LOC128125822: variants seen among roughly 807,000 people sequenced by gnomAD.
the LOC128125822 span, chr6:63,579,318 C>A: frequency 6.2e-7 from 1 of 1,604,400 alleles, no homozygotes; most frequent in Non-Finnish European, 8.5e-7. Context: ...AGATGCAGTA[C>A]AATTCATAAG....
chr6:63,580,016 G>A, the LOC128125822 span: 4 of 1,428,882 alleles, frequency 2.8e-6, no homozygotes, highest in Non-Finnish European at 3.9e-6. Flanking sequence ...TACTGTAGGG[G>A]GCTTTTGCCT....
the LOC128125822 span, chr6:63,577,060 A>C: frequency 8.4e-7 from 1 of 1,189,562 alleles, no homozygotes; most frequent in African/African-American, 1.6e-5. Context: ...CAAAATAAAA[A>C]CTACTTTGGA....
the LOC128125822 span, chr6:63,579,066 T>C: frequency 6.5e-7 from 1 of 1,530,920 alleles, no homozygotes; most frequent in Non-Finnish European, 8.7e-7. Flanking sequence ...GGTAAAAATC[T>C]ATTGATAATG....
At chr6:63,578,470 A>G in the LOC128125822 span, 1 of 1,610,420 alleles carries the variant, frequency 6.2e-7, no homozygotes, top group Non-Finnish European at 8.5e-7. Flanking sequence ...CACAATAGTA[A>G]GAGTATGTGA....
the LOC128125822 span, among the ~76,000 whole-genome samples, chr6:63,577,389 G>A: frequency 1.4e-4 from 21 of 152,118 alleles, no homozygotes; most frequent in African/African-American, 4.6e-4. Flanking sequence ...TACAAATTCT[G>A]TTCCTTCCTA....
chr6:63,580,002 A>AT, the LOC128125822 span: 1 of 1,317,926 alleles, frequency 7.6e-7, no homozygotes, highest in Non-Finnish European at 1.1e-6. Context: ...AAGACACTAA[A>AT]TATTACTGTA....
the LOC128125822 span, chr6:63,576,518 A>G: frequency 9.6e-6 from 4 of 414,798 alleles, no homozygotes; most frequent in Non-Finnish European, 1.7e-5. Context: ...CACGACCTCT[A>G]TGCAGACAAG....
chr6:63,575,576 C>G, the LOC128125822 span, among the ~76,000 whole-genome samples: 1 of 152,124 alleles, frequency 6.6e-6, no homozygotes, highest in African/African-American at 2.4e-5. Context: ...CCTGCCACTT[C>G]CACCTTCAAC....
chr6:63,578,368 G>C, the LOC128125822 span: 1 of 1,504,496 alleles, frequency 6.6e-7, no homozygotes, highest in East Asian at 2.4e-5. Flanking sequence ...GAGATGATCA[G>C]AATATAAAAT....
chr6:63,581,081 T>TGA, the LOC128125822 span: 1 of 152,208 alleles, frequency 6.6e-6, no homozygotes, highest in Non-Finnish European at 1.5e-5. Context: ...GAAATTCTTG[T>TGA]AATTTTTTTC....
At chr6:63,580,187 T>A in the LOC128125822 span, 1 of 1,570,752 alleles carries the variant, frequency 6.4e-7, no homozygotes. Context: ...TTGGGGTGCC[T>A]AATGCTACTG....
At chr6:63,577,016 T>G in the LOC128125822 span, 1 of 1,533,138 alleles carries the variant, frequency 6.5e-7, no homozygotes, top group Non-Finnish European at 9.0e-7. Flanking sequence ...GTAGCTTAAA[T>G]TGATTGCAAT....
At chr6:63,579,315 G>A in the LOC128125822 span, 1 of 1,605,718 alleles carries the variant, frequency 6.2e-7, no homozygotes, top group South Asian at 1.1e-5. Flanking sequence ...CGAAGATGCA[G>A]TACAATTCAT....
chr6:63,577,144 A>G, the LOC128125822 span, among the ~76,000 whole-genome samples: 2 of 152,204 alleles, frequency 1.3e-5, no homozygotes, highest in African/African-American at 4.8e-5. Flanking sequence ...TTAGAGGTAT[A>G]TTTGTACATT....
chr6:63,577,894 T>G, the LOC128125822 span, among the ~76,000 whole-genome samples: 1 of 149,840 alleles, frequency 6.7e-6, no homozygotes, highest in Admixed American at 6.7e-5. Flanking sequence ...TAATAGTATA[T>G]TATATTAGTA....
chr6:63,577,349 C>G, the LOC128125822 span, among the ~76,000 whole-genome samples: 11 of 152,120 alleles, frequency 7.2e-5, 1 homozygote, highest in Admixed American at 7.2e-4. Flanking sequence ...TTCTTGAACC[C>G]CATCTGATGC....
At chr6:63,579,973 AGAGGT>A in the LOC128125822 span, 6 of 958,420 alleles carry the variant, frequency 6.3e-6, no homozygotes, top group Non-Finnish European at 9.6e-6. Flanking sequence ...TTGCCACAAG[AGAGGT>A]GATGGTTGTC....
the LOC128125822 span, chr6:63,580,449 T>TTCCCC: frequency 3.0e-6 from 1 of 331,218 alleles, no homozygotes; most frequent in Non-Finnish European, 5.7e-6. Flanking sequence ...CATGCAGTAT[T>TTCCCC]GAGTTATGAC....
At chr6:63,577,979 AC>A in the LOC128125822 span, among the ~76,000 whole-genome samples, 1 of 107,494 alleles carries the variant, frequency 9.3e-6, no homozygotes, top group Non-Finnish European at 1.8e-5. Flanking sequence ...TGTAGTTAAG[AC>A]TTCATTCAAT....
Sources: gnomAD v4.1 joint callset for allele counts (sites outside exome capture counted in the v4.1 genomes callset) on GRCh38, gnomAD v4.1.1 for gene constraint, MANE v1.5 for transcripts.